Variants in SLC35A3 observed in about 807,000 individuals in gnomAD.
SLC35A3 encodes solute carrier family 35 member A3, also known as UDP-N-acetylglucosamine transporter.
Under a neutral mutation model 39.0 loss-of-function variants are expected in SLC35A3, and 26 were observed. The observed-to-expected ratio is 0.67, with a 90% CI of 0.49 to 0.92. The LOEUF (loss-of-function observed/expected upper bound fraction) is 0.92. Ranked by LOEUF, SLC35A3 falls within the 40% of genes least tolerant of loss-of-function variation. The pLI is 0.00. For missense variants in SLC35A3, 299 were observed against 371.6 expected, an observed-to-expected ratio of 0.80 and a Z score of 1.61; for synonymous variants, 135 against 133.1, an observed-to-expected ratio of 1.01 and a Z score of -0.10.
At chr1:99,989,621 C>T (rs755467548) in intron 1 of SLC35A3, among the ~76,000 whole-genome samples, 9 of 151,956 alleles carry the variant, frequency 5.9e-5, no homozygotes, top group East Asian at 1.9e-4. Flanking sequence ...ATTGGATTGT[C>T]GGTCTTTGAT....
chr1:99,976,158 C>T (rs199735856), intron 1 of SLC35A3, among the ~76,000 whole-genome samples: 13 of 152,244 alleles, frequency 8.5e-5, no homozygotes, highest in African/African-American at 2.4e-4. Context: ...GAGTTGAGAG[C>T]GTCTGAAGCT....
chr1:100,022,513 C>A lies in SLC35A3; in HGVS notation c.*37C>A. 2 of 1,070,236 alleles carry A rather than the reference C, an allele frequency of 1.9e-6. No individual in the cohort carries two copies. Among genetic ancestry groups the A allele is most frequent in the East Asian group, 2.4e-5 (1 of 41,562 alleles). The allele number at this position is 1,070,236 out of a possible 1,614,324, so 66.3% of individuals were successfully genotyped here. On this transcript the variant is annotated 3_prime_UTR_variant, in exon 8 of 8. Coordinates refer to ENST00000533028, the MANE Select transcript of SLC35A3 (RefSeq NM_012243.3). ...CTTTAACTGGTTTTTCACGATGGGG[C>A]ACTAGGAATCTCGACATTAATCTTG...
chr1:99,981,855 CAT>C lies in SLC35A3; in HGVS notation c.-18-11679_-18-11678del, dbSNP rs749361143. Among the ~76,000 whole-genome samples, 88 of 152,060 alleles carry C rather than the reference CAT, an allele frequency of 5.8e-4. 1 individual carries two copies. Among genetic ancestry groups the C allele is most frequent in the East Asian group, 1.7e-3 (9 of 5,172 alleles). On this transcript the variant is annotated intron_variant, in intron 1 of 7. Coordinates refer to ENST00000533028, the MANE Select transcript of SLC35A3 (RefSeq NM_012243.3). ...TTTTAGGACTTTTAGTGGCTGGAGA[CAT>C]ATCAGCAAAATACAGATATTGTCTC...
At chr1:100,006,522 T>C (rs775417942) in intron 3 of SLC35A3, among the ~76,000 whole-genome samples, 28 of 151,994 alleles carry the variant, frequency 1.8e-4, no homozygotes, top group Non-Finnish European at 3.8e-4. Flanking sequence ...TGTGCATGGG[T>C]GGGTGCCAGC....
chr1:99,979,503 G>A lies in SLC35A3; in HGVS notation c.-19+9341G>A, dbSNP rs141047016. 7.4e-5 allele frequency among the ~76,000 whole-genome samples: 11 copies of A among 149,364 alleles called. No homozygotes were observed. The South Asian group carries it at 1.5e-3, about 20-fold the overall frequency. Reference sequence around the variant, plus strand: ...GGCTGGAGTGCAGTGGCGTGATCTCGGCTCACTGCAAGCTCCACCTCCCGG... The same window carrying A: ...GGCTGGAGTGCAGTGGCGTGATCTCAGCTCACTGCAAGCTCCACCTCCCGG... On this transcript the variant is annotated intron_variant, in intron 1 of 7. Coordinates refer to ENST00000533028, the MANE Select transcript of SLC35A3 (RefSeq NM_012243.3).
At chr1:99,993,261 A>G (rs557185698) in intron 1 of SLC35A3, among the ~76,000 whole-genome samples, 18 of 152,272 alleles carry the variant, frequency 1.2e-4, no homozygotes, top group African/African-American at 4.3e-4. Context: ...GTCTCTATCC[A>G]ATTTACCTTA....
At chr1:99,990,959 A>G (rs986505159) in intron 1 of SLC35A3, among the ~76,000 whole-genome samples, 1 of 152,192 alleles carries the variant, frequency 6.6e-6, no homozygotes, top group Admixed American at 6.6e-5. Context: ...ACTAGAACCC[A>G]ACGATGCCAG....
chr1:99,976,897 C>T (rs534280730), intron 1 of SLC35A3, among the ~76,000 whole-genome samples: 5 of 152,074 alleles, frequency 3.3e-5, no homozygotes, highest in African/African-American at 1.2e-4. Flanking sequence ...ATCTATACAC[C>T]AAAGCCCCAG....
intron 6 of SLC35A3, 45 bp from the exon 7 acceptor site, chr1:100,017,637 C>A: frequency 4.6e-6 from 6 of 1,296,176 alleles, no homozygotes; most frequent in South Asian, 1.5e-5. Context: ...TTTTGAAATG[C>A]AGTTTTACAT....
chr1:99,997,853 G>C (rs924260869), intron 2 of SLC35A3, among the ~76,000 whole-genome samples: 16 of 152,034 alleles, frequency 1.1e-4, no homozygotes, highest in Admixed American at 5.2e-4. Flanking sequence ...GCAGTGGTTA[G>C]AGGATTTCCA....
At position 100,027,729 on chromosome 1, in the gene SLC35A3, A is replaced by T. The variant is rs973862579; in HGVS notation, c.*5253A>T. 2 of 152,220 alleles carry T rather than the reference A, an allele frequency of 1.3e-5. No homozygotes were observed. The highest frequency in any genetic ancestry group is 4.8e-5 in the African/African-American group (2 of 41,458). The allele number at this position is 152,220 out of a possible 1,614,324, so 9.4% of individuals were successfully genotyped here. A position where few individuals can be genotyped will look rare whatever the true frequency, so the allele number is the denominator to read the frequency against. On this transcript the variant is annotated 3_prime_UTR_variant, in exon 8 of 8. Transcript: ENST00000533028. ...CTATCTCTACTGCTGAAGTAACCTTACACAAAATACTTTGTAAAAAAATCA... is the reference window on the plus strand; with the variant it reads ...CTATCTCTACTGCTGAAGTAACCTTTCACAAAATACTTTGTAAAAAAATCA...
Position 100,027,805 on chromosome 1 carries a change from T to G in SLC35A3, c.*5329T>G, listed in dbSNP as rs764827708. The stretch of plus-strand genomic sequence containing the variant: ...TATATTTTTCTTTGGCAACCTCTCA[T>G]GAAAAGCACTAACTAAAAATATTTA... On this transcript the variant is annotated 3_prime_UTR_variant, in exon 8 of 8. Transcript: ENST00000533028. The G allele has an allele frequency of 2.6e-5, 4 of 152,180 alleles. No homozygotes were observed. Among genetic ancestry groups the G allele is most frequent in the Admixed American group, 2.0e-4 (3 of 15,276 alleles). 9.4% of individuals were successfully genotyped at this position (152,180 alleles called of 1,614,324 possible).
intron 1 of SLC35A3, among the ~76,000 whole-genome samples, chr1:99,991,617 C>T (rs1426386627): frequency 6.6e-6 from 1 of 152,174 alleles, no homozygotes; most frequent in African/African-American, 2.4e-5. Context: ...AAAAAGCCTA[C>T]AGCGATTTTG....
At chr1:99,999,757 C>T (rs1658637720) in intron 3 of SLC35A3, among the ~76,000 whole-genome samples, 1 of 151,938 alleles carries the variant, frequency 6.6e-6, no homozygotes, top group Non-Finnish European at 1.5e-5. Flanking sequence ...GTATCTTTCC[C>T]ATCCTCTGGT....
chr1:100,006,959 C>A, intron 3 of SLC35A3, 75 bp from the exon 4 acceptor site: 1 of 1,456,854 alleles, frequency 6.9e-7, no homozygotes, highest in South Asian at 1.4e-5. Flanking sequence ...CCTTAAAATA[C>A]ATTTCTAATA....
Position 100,035,050 on chromosome 1 carries a change from T to C in SLC35A3, c.*12574T>C, listed in dbSNP as rs1442376281. On this transcript the variant is annotated 3_prime_UTR_variant, in exon 8 of 8. Transcript: ENST00000533028. ...GAGATATCAGTCTCTTAGCGCAAAG[T>C]TTGTGAATACGGTCATCCCTCCATA... 6.6e-6 allele frequency: 1 copy of C among 152,134 alleles called. No homozygotes were observed. Among genetic ancestry groups the C allele is most frequent in the Non-Finnish European group, 1.5e-5 (1 of 68,034 alleles). The allele number at this position is 152,134 out of a possible 1,614,324, so 9.4% of individuals were successfully genotyped here.
chr1:99,997,563 A>T (rs553859431), intron 2 of SLC35A3, among the ~76,000 whole-genome samples: 6 of 145,874 alleles, frequency 4.1e-5, no homozygotes, highest in Non-Finnish European at 6.0e-5. Flanking sequence ...TATATATTAT[A>T]TATTTATTTA....
chr1:100,010,531 A>G (rs1659554745), intron 4 of SLC35A3, among the ~76,000 whole-genome samples: 1 of 152,240 alleles, frequency 6.6e-6, no homozygotes, highest in South Asian at 2.1e-4. Context: ...TGTCTCTACA[A>G]AAAACACAGA....
intron 3 of SLC35A3, among the ~76,000 whole-genome samples, chr1:100,001,102 T>C (rs1184410949): frequency 6.6e-6 from 1 of 152,186 alleles, no homozygotes; most frequent in African/African-American, 2.4e-5. Context: ...GCTATTTTGG[T>C]TACTATAGCC....
Sources: allele counts gnomAD v4.1 joint callset (sites outside exome capture counted in the v4.1 genomes callset), GRCh38; gene constraint gnomAD v4.1.1; transcripts MANE v1.5; gene names NCBI Gene and HGNC (gene_info 2026-07-23, HGNC 2026-07-21).